COX10: variants seen among roughly 807,000 people sequenced by gnomAD.
The protein encoded by COX10 is protoheme IX farnesyltransferase, mitochondrial.
In COX10, 27 loss-of-function variants were observed where a neutral mutation model predicts 37.3. That is an observed-to-expected ratio of 0.72 (90% CI 0.53 to 1.00). The LOEUF is 1.00. COX10 is among the 50% of genes least tolerant of loss of function. The pLI, the probability that COX10 is intolerant of heterozygous loss-of-function variation, is 0.00. For missense variants in COX10, 475 were observed against 563.2 expected (o/e 0.84, Z 1.59); for synonymous variants, 222 against 229.1 (o/e 0.97, Z 0.28).
At chr17:14,084,511 G>A (rs1168730908) in intron 3 of COX10, among the ~76,000 whole-genome samples, 1 of 152,016 alleles carries the variant, frequency 6.6e-6, no homozygotes, top group African/African-American at 2.4e-5. Flanking sequence ...AATGCCTTCT[G>A]TGACTGAAAA....
chr17:14,109,519 T>C (rs1217949913), intron 4 of COX10, among the ~76,000 whole-genome samples: 1 of 152,204 alleles, frequency 6.6e-6, no homozygotes, highest in Non-Finnish European at 1.5e-5. Flanking sequence ...CATTATTCGC[T>C]TCTTAATGAT....
Position 14,162,463 on chromosome 17 carries a change from T to A in COX10, c.695+2516T>A, listed in dbSNP as rs555735546. Among the ~76,000 whole-genome samples the A allele has an allele frequency of 2.6e-5, 4 of 152,328 alleles. No individual in the cohort carries two copies. The East Asian group carries it at 7.7e-4, about 29-fold the overall frequency. The stretch of plus-strand genomic sequence containing the variant: ...AGACACTTGCTGATATTGAGGTTTC[T>A]CTAGTGTCACAAAAAAACATTAAAT... On this transcript the variant is annotated intron_variant, in intron 5 of 6. Coordinates refer to ENST00000261643, the MANE Select transcript of COX10 (RefSeq NM_001303.4).
intron 3 of COX10, among the ~76,000 whole-genome samples, chr17:14,084,623 A>G (rs1915368781): frequency 1.3e-5 from 2 of 152,222 alleles, no homozygotes; most frequent in South Asian, 2.1e-4. Flanking sequence ...ACGCAAACAC[A>G]TAATATACAG....
intron 5 of COX10, among the ~76,000 whole-genome samples, chr17:14,162,072 ATAAGT>A (rs1331940085): frequency 6.6e-6 from 1 of 152,206 alleles, no homozygotes; most frequent in Non-Finnish European, 1.5e-5. Flanking sequence ...AAAGACTATG[ATAAGT>A]TAAGTGTATG....
At chr17:14,165,542 C>A (rs974791217) in intron 5 of COX10, among the ~76,000 whole-genome samples, 4 of 152,184 alleles carry the variant, frequency 2.6e-5, no homozygotes, top group African/African-American at 9.6e-5. Context: ...CCATCTCTCT[C>A]CTGCTCCTTG....
chr17:14,072,958 G>A (rs1186185542), intron 1 of COX10, among the ~76,000 whole-genome samples: 1 of 152,192 alleles, frequency 6.6e-6, no homozygotes, highest in Non-Finnish European at 1.5e-5. Flanking sequence ...ATGCAACATG[G>A]CATAAAGTGA....
chr17:14,095,334 T>C (rs1163597695), intron 3 of COX10, among the ~76,000 whole-genome samples: 2 of 152,164 alleles, frequency 1.3e-5, no homozygotes, highest in Non-Finnish European at 2.9e-5. Flanking sequence ...ATGAAGCCCT[T>C]TGTCACCACC....
intron 4 of COX10, among the ~76,000 whole-genome samples, chr17:14,116,799 C>G (rs1916124030): frequency 6.6e-6 from 1 of 152,194 alleles, no homozygotes; most frequent in South Asian, 2.1e-4. Flanking sequence ...CTCTCTATCA[C>G]TATTACTACT....
intron 4 of COX10, among the ~76,000 whole-genome samples, chr17:14,149,334 G>A (rs1457309731): frequency 6.6e-6 from 1 of 152,094 alleles, no homozygotes. Flanking sequence ...TAGGTATGAT[G>A]TATATGAAAT....
intron 4 of COX10, among the ~76,000 whole-genome samples, chr17:14,138,777 C>T (rs149365618): frequency 6.6e-6 from 1 of 152,178 alleles, no homozygotes; most frequent in African/African-American, 2.4e-5. Flanking sequence ...TGAGCTGGAC[C>T]CTGAGCTGAA....
chr17:14,127,927 A>ATG (rs67774468), intron 4 of COX10, among the ~76,000 whole-genome samples: 4,774 of 143,650 alleles, frequency 0.033, 93 homozygotes, highest in African/African-American at 0.054. Context: ...GAGTGTGTGT[A>ATG]TGTGTGTGTG....
At chr17:14,109,282 T>G (rs986538565) in intron 4 of COX10, among the ~76,000 whole-genome samples, 1 of 152,146 alleles carries the variant, frequency 6.6e-6, no homozygotes, top group Non-Finnish European at 1.5e-5. Context: ...AGAAAGAAAA[T>G]GCATTTTGAA....
At chr17:14,206,767 A>G in intron 6 of COX10, 43 bp from the exon 7 acceptor site, 1 of 1,611,772 alleles carries the variant, frequency 6.2e-7, no homozygotes, top group Non-Finnish European at 8.5e-7. Context: ...ATCTCTGGTG[A>G]TGACTGCCTT....
intron 1 of COX10, among the ~76,000 whole-genome samples, chr17:14,069,885 G>C (rs1169379584): frequency 6.6e-6 from 1 of 152,150 alleles, no homozygotes; most frequent in Non-Finnish European, 1.5e-5. Flanking sequence ...CGGCTTCTGC[G>C]GAAGAGCGGT....
intron 4 of COX10, among the ~76,000 whole-genome samples, chr17:14,113,528 A>G (rs1916050504): frequency 6.6e-6 from 1 of 152,210 alleles, no homozygotes; most frequent in Non-Finnish European, 1.5e-5. Context: ...TCTTATTTTC[A>G]TGTTGAGAAA....
Position 14,069,621 on chromosome 17 carries a change from C to T in COX10, c.16C>T (p.His6Tyr), listed in dbSNP as rs199881731. The part of the protein sequence containing the change: MAASP[H>Y]TLSSRLLTGC... ...CTCGTAAATTATGGCCGCATCTCCG[C>T]ACACTCTCTCCTCACGCCTCCTGAC... The change falls in exon 1 of 7, where the codon CAC becomes TAC. Residue 6 changes from histidine to tyrosine, a missense_variant. Transcript: ENST00000261643. 2.5e-6 allele frequency: 4 copies of T among 1,614,132 alleles called. No individual in the cohort carries two copies. Among genetic ancestry groups the T allele is most frequent in the Admixed American group, 1.7e-5 (1 of 60,020 alleles).
At chr17:14,094,801 C>A (rs191042446) in intron 3 of COX10, among the ~76,000 whole-genome samples, 15 of 152,224 alleles carry the variant, frequency 9.9e-5, no homozygotes, top group Non-Finnish European at 1.9e-4. Context: ...TCCAAGAGCA[C>A]TGCTTATTAA....
chr17:14,103,862 G>C (rs1915836946), intron 4 of COX10, among the ~76,000 whole-genome samples: 1 of 152,172 alleles, frequency 6.6e-6, no homozygotes, highest in African/African-American at 2.4e-5. Flanking sequence ...TTTTGCTATA[G>C]GGAGCGAGTT....
intron 4 of COX10, among the ~76,000 whole-genome samples, chr17:14,123,564 G>C (rs1916271174): frequency 6.6e-6 from 1 of 152,066 alleles, no homozygotes; most frequent in African/African-American, 2.4e-5. Context: ...AAAAGAAAAA[G>C]TTATACAAAT....
Sources: allele counts gnomAD v4.1 joint callset (sites outside exome capture counted in the v4.1 genomes callset), GRCh38; gene constraint gnomAD v4.1.1; transcripts MANE v1.5; gene names NCBI Gene and HGNC (gene_info 2026-07-23, HGNC 2026-07-21).